Variants in SLC9B1 observed in about 807,000 individuals in gnomAD.
The protein encoded by SLC9B1 is sodium/hydrogen exchanger 9B1.
Under a neutral mutation model 51.7 loss-of-function variants are expected in SLC9B1, and 32 were observed. The ratio of observed to expected loss-of-function variants is 0.62; its 90% CI spans 0.47 to 0.83. The LOEUF is 0.83. Ranked by LOEUF, SLC9B1 falls within the 40% of genes least tolerant of loss-of-function variation. The pLI is 0.00. For synonymous variants in SLC9B1, 145 were observed against 212.7 expected (o/e 0.68, Z 2.77); for missense variants, 406 against 613.2 (o/e 0.66, Z 3.57).
chr4:102,925,570 A>C (rs978184345), intron 7 of SLC9B1, among the ~76,000 whole-genome samples: 3 of 151,986 alleles, frequency 2.0e-5, no homozygotes, highest in African/African-American at 4.8e-5. Flanking sequence ...AAACTATGAC[A>C]CTGTCCTATA....
chr4:102,935,121 T>C (rs1011129281), intron 6 of SLC9B1, among the ~76,000 whole-genome samples: 2 of 151,928 alleles, frequency 1.3e-5, no homozygotes, highest in African/African-American at 4.8e-5. Context: ...AATTTACAAA[T>C]ACATATAACA....
At chr4:102,922,658 A>G (rs1307768103) in intron 7 of SLC9B1, among the ~76,000 whole-genome samples, 1 of 152,190 alleles carries the variant, frequency 6.6e-6, no homozygotes, top group Non-Finnish European at 1.5e-5. Flanking sequence ...ACAGACTGCT[A>G]GCAAGCCTAA....
At chr4:102,932,538 C>T (rs1736511141) in intron 6 of SLC9B1, among the ~76,000 whole-genome samples, 1 of 152,126 alleles carries the variant, frequency 6.6e-6, no homozygotes, top group Non-Finnish European at 1.5e-5. Flanking sequence ...CCCTCTATTC[C>T]TAAATCCTTT....
At chr4:102,908,472 G>A (rs9715835) in intron 9 of SLC9B1, among the ~76,000 whole-genome samples, 4 of 146,372 alleles carry the variant, frequency 2.7e-5, no homozygotes, top group African/African-American at 1.0e-4. Context: ...ATGTGTGTGT[G>A]TATATATATA....
At chr4:102,899,465 G>A (rs1465909998), downstream of SLC9B1, among the ~76,000 whole-genome samples, 1 of 151,478 alleles carries the variant, frequency 6.6e-6, no homozygotes, top group East Asian at 1.9e-4. Context: ...CCAGGCTGGA[G>A]TGCAGTGGTG....
intron 1 of SLC9B1, among the ~76,000 whole-genome samples, chr4:103,000,878 G>A (rs1740486609): frequency 6.6e-6 from 1 of 152,222 alleles, no homozygotes; most frequent in Non-Finnish European, 1.5e-5. Context: ...AGCTCCACTA[G>A]GTAGTGCCCC....
At chr4:102,926,063 C>T (rs1490528379) in intron 7 of SLC9B1, among the ~76,000 whole-genome samples, 8 of 152,292 alleles carry the variant, frequency 5.3e-5, no homozygotes, top group Non-Finnish European at 8.8e-5. Context: ...ATGCTAAAAA[C>T]TCTCAATAAA....
intron 3 of SLC9B1, among the ~76,000 whole-genome samples, chr4:102,978,320 C>A (rs924761638): frequency 1.2e-4 from 18 of 152,012 alleles, no homozygotes; most frequent in East Asian, 1.9e-4. Flanking sequence ...TAAATGGGAT[C>A]TAATTAAACT....
chr4:103,007,284 CA>C lies in SLC9B1; in HGVS notation c.-2+12314del, dbSNP rs372059553. Among the ~76,000 whole-genome samples, 85 of 152,260 alleles carry C rather than the reference CA, an allele frequency of 5.6e-4. 1 individual carries two copies. The East Asian group carries it at 0.016, about 29-fold the overall frequency. Reference sequence around the variant, plus strand: ...AAAACTACAGAAAATTTTCAGGATACAAAATCAATGTACCAAAATCAGTAGC... The same window carrying C: ...AAAACTACAGAAAATTTTCAGGATACAAATCAATGTACCAAAATCAGTAGC... On this transcript the variant is annotated intron_variant, in intron 1 of 11. Coordinates refer to ENST00000296422, the MANE Select transcript of SLC9B1 (RefSeq NM_139173.4).
intron 3 of SLC9B1, among the ~76,000 whole-genome samples, chr4:102,977,297 T>TA (rs3974480): frequency 0.023 from 3,004 of 129,264 alleles, 45 homozygotes; most frequent in Non-Finnish European, 0.034. Context: ...TATTATAACT[T>TA]AAAAAAAAAA....
At chr4:103,008,752 C>T (rs1740927515) in intron 1 of SLC9B1, among the ~76,000 whole-genome samples, 2 of 149,674 alleles carry the variant, frequency 1.3e-5, no homozygotes, top group Admixed American at 1.3e-4. Context: ...TATAAAGTGA[C>T]GTAGGGAGTG....
At chr4:102,916,923 G>T (rs1456244328) in intron 7 of SLC9B1, among the ~76,000 whole-genome samples, 1 of 152,196 alleles carries the variant, frequency 6.6e-6, no homozygotes, top group Non-Finnish European at 1.5e-5. Context: ...ATCTGTGAGG[G>T]TGCTGCCACA....
chr4:102,968,890 C>A (rs577994333), intron 3 of SLC9B1, among the ~76,000 whole-genome samples: 188 of 152,344 alleles, frequency 1.2e-3, no homozygotes, highest in African/African-American at 3.5e-3. Context: ...TATCCCCTGC[C>A]TGGCTCGGTG....
intron 11 of SLC9B1, among the ~76,000 whole-genome samples, chr4:102,894,348 C>A (rs1734432661): frequency 6.6e-6 from 1 of 151,976 alleles, no homozygotes; most frequent in South Asian, 2.1e-4. Context: ...CTTGGAGGAT[C>A]CATGAATGTA....
chr4:102,969,273 T>G (rs6818418), intron 3 of SLC9B1, among the ~76,000 whole-genome samples: 87,469 of 152,022 alleles, frequency 0.58, 26,424 homozygotes, highest in African/African-American at 0.77. Flanking sequence ...GTCCCTCTGA[T>G]ATGAAGCTTC....
intron 1 of SLC9B1, among the ~76,000 whole-genome samples, chr4:103,006,897 C>T (rs143445256): frequency 2.6e-5 from 4 of 152,228 alleles, no homozygotes; most frequent in Admixed American, 6.5e-5. Flanking sequence ...ATAATAATCT[C>T]GATACAGAAA....
chr4:102,970,200 G>C (rs1406490908), intron 3 of SLC9B1, among the ~76,000 whole-genome samples: 3 of 152,150 alleles, frequency 2.0e-5, no homozygotes, highest in Non-Finnish European at 4.4e-5. Flanking sequence ...ATTCACCAAG[G>C]TTGAAATGAA....
At chr4:102,980,395 A>G (rs1205444409) in intron 3 of SLC9B1, among the ~76,000 whole-genome samples, 1 of 152,192 alleles carries the variant, frequency 6.6e-6, no homozygotes, top group Non-Finnish European at 1.5e-5. Context: ...TACATATACC[A>G]TGGATACTAT....
intron 1 of SLC9B1, 102 bp from the exon 2 acceptor site, chr4:102,991,814 G>A: frequency 1.3e-6 from 1 of 751,242 alleles, no homozygotes; most frequent in Non-Finnish European, 2.0e-6. Flanking sequence ...AGGATTTTTT[G>A]TTCTAAAGTT....
Sources: gnomAD v4.1 joint callset for allele counts (sites outside exome capture counted in the v4.1 genomes callset) on GRCh38, gnomAD v4.1.1 for gene constraint, MANE v1.5 for transcripts, NCBI Gene and HGNC (gene_info 2026-07-23, HGNC 2026-07-21) for gene names.